The following NFILZ variants were observed in gnomAD, a reference collection of about 807,000 sequenced individuals.
The protein encoded by NFILZ is NFIL3 like protein.
chr19:8,658,922 C>G (rs1488505979), intron 3 of NFILZ, among the ~76,000 whole-genome samples: 2 of 152,036 alleles, frequency 1.3e-5, no homozygotes, highest in African/African-American at 4.8e-5. Context: ...TGCACTCCAG[C>G]CTGGGTGACA....
chr19:8,665,044 C>G (rs575541508), intron 3 of NFILZ, among the ~76,000 whole-genome samples: 1 of 152,286 alleles, frequency 6.6e-6, no homozygotes, highest in Non-Finnish European at 1.5e-5. Flanking sequence ...AGCACACCCC[C>G]TTCTCCAAAT....
At position 8,631,780 on chromosome 19, in the gene NFILZ, C is replaced by T. The variant is rs79104402; in HGVS notation, c.-410-696C>T. On this transcript the variant is annotated intron_variant, in intron 1 of 5. Coordinates refer to ENST00000691075, the MANE Select transcript of NFILZ (RefSeq NM_001378600.1). ...GTCTACACCCGCTGACCTCTTGAAG[C>T]GTCTCTAGTGATGGGGACCCTGGGG... 4.5e-3 allele frequency among the ~76,000 whole-genome samples: 686 copies of T among 151,356 alleles called. 3 individuals are homozygous for T. Among genetic ancestry groups the T allele is most frequent in the African/African-American group, 0.016 (652 of 41,258 alleles).
intron 3 of NFILZ, among the ~76,000 whole-genome samples, chr19:8,637,940 G>GAA (rs1238727094): frequency 3.1e-5 from 2 of 65,154 alleles, no homozygotes; most frequent in Non-Finnish European, 6.7e-5. Context: ...AAAAAGAAAA[G>GAA]AACAGAAAAA....
intron 3 of NFILZ, among the ~76,000 whole-genome samples, chr19:8,657,406 G>A (rs559777884): frequency 4.6e-5 from 7 of 152,062 alleles, no homozygotes; most frequent in South Asian, 2.1e-4. Context: ...CTGGCCTGGC[G>A]ATTGCTTTTG....
At chr19:8,663,732 G>GTGTGTGTGTGTGTGTGTATGTGTGTGTA (rs1568423341) in intron 3 of NFILZ, among the ~76,000 whole-genome samples, 25 of 102,914 alleles carry the variant, frequency 2.4e-4, no homozygotes, top group East Asian at 3.9e-4. Flanking sequence ...TTGTGTGTGT[G>GTGTGTGTGTGTGTGTGTATGTGTGTGTA]TGTGTGTGTG....
chr19:8,663,736 G>GTA (rs782229587), intron 3 of NFILZ, among the ~76,000 whole-genome samples: 23,918 of 135,968 alleles, frequency 0.18, 4,563 homozygotes, highest in African/African-American at 0.46. Flanking sequence ...GTGTGTGTGT[G>GTA]TGTGTGTGTG....
intron 3 of NFILZ, among the ~76,000 whole-genome samples, chr19:8,659,751 T>C (rs1415000229): frequency 6.6e-6 from 1 of 152,108 alleles, no homozygotes; most frequent in Non-Finnish European, 1.5e-5. Context: ...TGTCACAGGC[T>C]CCAATTCGTG....
At chr19:8,650,790 T>C (rs1396056133) in intron 3 of NFILZ, among the ~76,000 whole-genome samples, 1 of 152,210 alleles carries the variant, frequency 6.6e-6, no homozygotes, top group Non-Finnish European at 1.5e-5. Flanking sequence ...CTAGTTACTA[T>C]TTATTTTCAT....
intron 3 of NFILZ, among the ~76,000 whole-genome samples, chr19:8,642,704 G>T (rs996611216): frequency 1.3e-5 from 2 of 152,136 alleles, no homozygotes; most frequent in African/African-American, 2.4e-5. Context: ...AGGAAAAGCA[G>T]AGAATATAGC....
chr19:8,637,868 C>T (rs374993920), intron 3 of NFILZ, among the ~76,000 whole-genome samples: 1 of 116,786 alleles, frequency 8.6e-6, no homozygotes, highest in Non-Finnish European at 1.6e-5. Flanking sequence ...GATTGCGCCA[C>T]TGTACTACAG....
intron 3 of NFILZ, among the ~76,000 whole-genome samples, chr19:8,641,943 C>T (rs1251991049): frequency 6.6e-6 from 1 of 152,092 alleles, no homozygotes; most frequent in Non-Finnish European, 1.5e-5. Flanking sequence ...ATCCTTCCAT[C>T]TCAGTTTCCT....
At chr19:8,635,835 GTTTATTTATT>G (rs1568416865) in intron 3 of NFILZ, 89 bp downstream of exon 3, 1 of 151,746 alleles carries the variant, frequency 6.6e-6, no homozygotes, top group East Asian at 1.9e-4. Flanking sequence ...TTATTTATTT[GTTTATTTATT>G]TTTATTTATT....
chr19:8,635,323 T>A (rs7508576), intron 2 of NFILZ, among the ~76,000 whole-genome samples: 1,089 of 27,714 alleles, frequency 0.039, 12 homozygotes, highest in Admixed American at 0.19. Context: ...AAAAAAAAAA[T>A]TAAAAAAAAA....
chr19:8,670,990 C>T (rs2043083981), intron 3 of NFILZ, among the ~76,000 whole-genome samples: 1 of 84,114 alleles, frequency 1.2e-5, no homozygotes, highest in African/African-American at 4.7e-5. Flanking sequence ...GTGAGACTGT[C>T]TCAAAAAAAA....
At chr19:8,663,738 G>GTGTGTGTGTGTGTATGTGTGTGTA (rs2043045905) in intron 3 of NFILZ, among the ~76,000 whole-genome samples, 99 of 23,960 alleles carry the variant, frequency 4.1e-3, no homozygotes, top group African/African-American at 0.012. Flanking sequence ...GTGTGTGTGT[G>GTGTGTGTGTGTGTATGTGTGTGTA]TGTGTGTGTG....
intron 3 of NFILZ, among the ~76,000 whole-genome samples, chr19:8,670,461 G>T (rs567300187): frequency 7.2e-5 from 11 of 152,276 alleles, no homozygotes; most frequent in Non-Finnish European, 4.4e-5. Context: ...ACCAATAAAT[G>T]CATGAATAGT....
chr19:8,635,891 C>T (rs1600137949), intron 3 of NFILZ, 145 bp downstream of exon 3: 1 of 152,216 alleles, frequency 6.6e-6, no homozygotes, highest in East Asian at 1.9e-4. Context: ...AACTGGAGTG[C>T]AATGGTGCAG....
At chr19:8,642,458 T>C (rs2042922980) in intron 3 of NFILZ, among the ~76,000 whole-genome samples, 1 of 152,200 alleles carries the variant, frequency 6.6e-6, no homozygotes, top group Non-Finnish European at 1.5e-5. Flanking sequence ...TATTAACCCT[T>C]GATTCTGTGG....
At position 8,652,969 on chromosome 19, in the gene NFILZ, CTCCTTCCTTCCT is replaced by C. The variant is rs1207071930; in HGVS notation, c.-164+17257_-164+17268del. Reference sequence around the variant, plus strand: ...CTCTCTCTTTCTTTCCCTTCCTTCCCTCCTTCCTTCCTTCCTTCCTTCCTTCCTTCCTTCCTT... The same window carrying C: ...CTCTCTCTTTCTTTCCCTTCCTTCCCTCCTTCCTTCCTTCCTTCCTTCCTT... On this transcript the variant is annotated intron_variant, in intron 3 of 5. Coordinates refer to ENST00000691075, the MANE Select transcript of NFILZ (RefSeq NM_001378600.1). Among the ~76,000 whole-genome samples the C allele has an allele frequency of 1.5e-3, 172 of 113,940 alleles. 3 individuals are homozygous for C. Among genetic ancestry groups the C allele is most frequent in the East Asian group, 4.1e-3 (14 of 3,400 alleles). 74.7% of individuals were successfully genotyped at this position (113,940 alleles called of 152,430 possible). A position where few individuals can be genotyped will look rare whatever the true frequency, so the allele number is the denominator to read the frequency against.
Sources: allele counts gnomAD v4.1 joint callset (sites outside exome capture counted in the v4.1 genomes callset), GRCh38; gene constraint gnomAD v4.1.1; transcripts MANE v1.5; gene names NCBI Gene and HGNC (gene_info 2026-07-23, HGNC 2026-07-21).